GRM1: variants seen among roughly 807,000 people sequenced by gnomAD.
The protein encoded by GRM1 is glutamate metabotropic receptor 1.
In GRM1, 33 loss-of-function variants were observed where a neutral mutation model predicts 90.9. The ratio of observed to expected loss-of-function variants is 0.36; its 90% CI spans 0.28 to 0.49. The LOEUF (loss-of-function observed/expected upper bound fraction) is 0.49, where lower values mean the gene tolerates loss of function less well. Among genes scored for constraint, GRM1 ranks in the 20% least tolerant of loss-of-function variants. The pLI is 0.99. For missense variants in GRM1, 1,190 were observed against 1,534.3 expected (o/e 0.78, Z 3.75); for synonymous variants, 700 against 613.2 (o/e 1.14, Z -2.09).
At chr6:146,074,486 C>T (rs1255629648) in intron 1 of GRM1, among the ~76,000 whole-genome samples, 2 of 152,104 alleles carry the variant, frequency 1.3e-5, no homozygotes, top group Admixed American at 1.3e-4. Context: ...ACATTAGACC[C>T]CACCCAGAGA....
chr6:146,433,822 C>T (rs1246230556), intron 7 of GRM1, 50 bp from the exon 8 acceptor site: 1 of 1,268,532 alleles, frequency 7.9e-7, no homozygotes, highest in Non-Finnish European at 1.2e-6. Context: ...GTATTTTATC[C>T]TGTGTGCATG....
chr6:146,200,968 T>C (rs1472692132), intron 2 of GRM1, among the ~76,000 whole-genome samples: 6 of 152,166 alleles, frequency 3.9e-5, no homozygotes, highest in South Asian at 2.1e-4. Context: ...TAGAAACTCA[T>C]AGGGAAACAT....
chr6:146,064,836 C>CTTAATGAAT lies in GRM1; in HGVS notation c.700+34620_700+34628dup, dbSNP rs1158040855. Among the ~76,000 whole-genome samples, 8 of 149,932 alleles carry CTTAATGAAT rather than the reference C, an allele frequency of 5.3e-5. No individual in the cohort carries two copies. In the South Asian group the frequency reaches 1.1e-3, roughly 20 times the overall value. On this transcript the variant is annotated intron_variant, in intron 1 of 7. Transcript: ENST00000282753. Reference sequence around the variant, plus strand: ...TGTTCTTTTTATATCTTCTCTTTTTCTTAATGAATATTTGATGAGCCTAAT... The same window carrying CTTAATGAAT: ...TGTTCTTTTTATATCTTCTCTTTTTCTTAATGAATTTAATGAATATTTGATGAGCCTAAT...
intron 5 of GRM1, among the ~76,000 whole-genome samples, chr6:146,372,960 T>G (rs1406263278): frequency 6.6e-6 from 1 of 152,142 alleles, no homozygotes; most frequent in Non-Finnish European, 1.5e-5. Flanking sequence ...TTTTTGTGGT[T>G]CTATACAAAC....
intron 2 of GRM1, among the ~76,000 whole-genome samples, chr6:146,270,832 TGCC>T (rs1288571925): frequency 1.2e-4 from 18 of 147,710 alleles, no homozygotes; most frequent in African/African-American, 4.0e-4. Context: ...CCTGCCTGCC[TGCC>T]TGCCTTTCTT....
chr6:146,388,975 A>G (rs1296649274), intron 6 of GRM1, among the ~76,000 whole-genome samples: 2 of 152,090 alleles, frequency 1.3e-5, no homozygotes, highest in Non-Finnish European at 2.9e-5. Context: ...TCACTCTGCC[A>G]TGGTTGCATG....
At chr6:146,057,154 A>G (rs1000957105) in intron 1 of GRM1, among the ~76,000 whole-genome samples, 4 of 152,188 alleles carry the variant, frequency 2.6e-5, no homozygotes, top group Non-Finnish European at 4.4e-5. Flanking sequence ...ACACAATGCC[A>G]TGTAATGAGA....
chr6:146,088,038 T>G (rs1776602016), intron 1 of GRM1, among the ~76,000 whole-genome samples: 1 of 152,186 alleles, frequency 6.6e-6, no homozygotes, highest in African/African-American at 2.4e-5. Flanking sequence ...AGAGTAGCTG[T>G]ATCATTTTAC....
chr6:146,091,071 CA>C (rs1776699001), intron 1 of GRM1, among the ~76,000 whole-genome samples: 1 of 152,140 alleles, frequency 6.6e-6, no homozygotes, highest in South Asian at 2.1e-4. Context: ...ACCTGTGAAT[CA>C]AACTTGCCTA....
At chr6:146,280,456 A>G (rs779329979) in intron 2 of GRM1, among the ~76,000 whole-genome samples, 1 of 152,198 alleles carries the variant, frequency 6.6e-6, no homozygotes, top group Non-Finnish European at 1.5e-5. Context: ...GTTTGCTAAT[A>G]TAACCTAGTT....
chr6:146,265,254 G>T (rs879815441), intron 2 of GRM1, among the ~76,000 whole-genome samples: 1 of 152,108 alleles, frequency 6.6e-6, no homozygotes, highest in Middle Eastern at 3.2e-3. Flanking sequence ...TGTTATTGTG[G>T]TTTTAATTTG....
At chr6:146,307,906 A>C (rs362942) in intron 3 of GRM1, among the ~76,000 whole-genome samples, 1,734 of 152,342 alleles carry the variant, frequency 0.011, 72 homozygotes, top group East Asian at 0.079. Flanking sequence ...TGGCTAATTA[A>C]AAAGTATTTC....
chr6:146,267,060 C>T (rs913504182), intron 2 of GRM1, among the ~76,000 whole-genome samples: 2 of 152,166 alleles, frequency 1.3e-5, no homozygotes. Flanking sequence ...CTCCAACAGG[C>T]CCCAATGTGT....
intron 1 of GRM1, among the ~76,000 whole-genome samples, chr6:146,131,623 A>G (rs1242586260): frequency 2.0e-5 from 3 of 152,168 alleles, no homozygotes; most frequent in Non-Finnish European, 2.9e-5. Context: ...CAGACTAATC[A>G]TATATTTGCT....
chr6:146,189,271 C>T (rs138947383), intron 2 of GRM1, among the ~76,000 whole-genome samples: 42 of 152,272 alleles, frequency 2.8e-4, no homozygotes, highest in Middle Eastern at 6.8e-3. Context: ...TTCCTGTTTT[C>T]CTCAGTGACC....
chr6:146,126,958 A>G (rs924309343), intron 1 of GRM1, among the ~76,000 whole-genome samples: 2 of 152,156 alleles, frequency 1.3e-5, no homozygotes, highest in South Asian at 2.1e-4. Flanking sequence ...GAGCCTTTTA[A>G]AATAAAAATA....
intron 2 of GRM1, among the ~76,000 whole-genome samples, chr6:146,230,429 T>G (rs1472637799): frequency 6.6e-6 from 1 of 152,076 alleles, no homozygotes; most frequent in Non-Finnish European, 1.5e-5. Context: ...TCATCACATT[T>G]CATCAAAGAA....
chr6:146,378,129 G>A (rs1333986148), intron 5 of GRM1, among the ~76,000 whole-genome samples: 1 of 152,214 alleles, frequency 6.6e-6, no homozygotes, highest in Admixed American at 6.5e-5. Flanking sequence ...ATACCTGAAT[G>A]TCCAGGCAGA....
At chr6:146,340,179 G>C (rs934802882) in intron 3 of GRM1, among the ~76,000 whole-genome samples, 13 of 152,186 alleles carry the variant, frequency 8.5e-5, no homozygotes, top group African/African-American at 3.1e-4. Flanking sequence ...TTTTCCTGTT[G>C]ACCTAGCCCA....
Sources: gnomAD v4.1 joint callset for allele counts (sites outside exome capture counted in the v4.1 genomes callset) on GRCh38, gnomAD v4.1.1 for gene constraint, MANE v1.5 for transcripts, NCBI Gene and HGNC (gene_info 2026-07-23, HGNC 2026-07-21) for gene names.